FLI1: variants seen among roughly 807,000 people sequenced by gnomAD.
FLI1 encodes the protein Fli-1 proto-oncogene, ETS transcription factor, also known as Friend leukemia integration 1 transcription factor.
FLI1 carries 13 observed loss-of-function variants against 53.1 expected under a neutral mutation model. That is an observed-to-expected ratio of 0.24 (90% CI 0.16 to 0.39). FLI1 has a LOEUF of 0.39. FLI1 is among the 10% of genes least tolerant of loss of function. The pLI is 1.00. For missense variants in FLI1, 424 were observed against 600.5 expected (o/e 0.71, Z 3.07); for synonymous variants, 244 against 236.7 (o/e 1.03, Z -0.28).
chr11:128,787,847 C>T (rs996841161), intron 5 of FLI1, among the ~76,000 whole-genome samples: 10 of 145,264 alleles, frequency 6.9e-5, no homozygotes, highest in Non-Finnish European at 1.2e-4. Context: ...CGCTCTGTCG[C>T]TCAGGCTGGA....
upstream of FLI1, chr11:128,686,293 A>G: frequency 4.4e-6 from 2 of 455,358 alleles, no homozygotes; most frequent in Non-Finnish European, 8.8e-6. Context: ...TTCCAGAACA[A>G]GCTGCGGGCA....
chr11:128,740,036 T>C (rs572679055), intron 1 of FLI1, among the ~76,000 whole-genome samples: 1 of 152,276 alleles, frequency 6.6e-6, no homozygotes, highest in South Asian at 2.1e-4. Flanking sequence ...TGCCCTAATA[T>C]TGGTAGGGAA....
At chr11:128,759,317 C>T (rs1210113468) in intron 2 of FLI1, among the ~76,000 whole-genome samples, 4 of 152,266 alleles carry the variant, frequency 2.6e-5, no homozygotes, top group South Asian at 2.1e-4. Context: ...CTTTGAGCAC[C>T]GATGTGACAT....
At chr11:128,765,159 AG>A (rs1941287606) in intron 2 of FLI1, among the ~76,000 whole-genome samples, 1 of 152,032 alleles carries the variant, frequency 6.6e-6, no homozygotes, top group African/African-American at 2.4e-5. Flanking sequence ...CCAGCAAGAG[AG>A]CCCCCTCCTC....
At chr11:128,741,264 G>C (rs919667643) in intron 1 of FLI1, among the ~76,000 whole-genome samples, 1 of 152,078 alleles carries the variant, frequency 6.6e-6, no homozygotes, top group Non-Finnish European at 1.5e-5. Context: ...GTGGTCATGG[G>C]CGCCTGTAAT....
rs1282632145 is a variant in FLI1 at position 128,811,266 on chromosome 11, C to T, written c.*278C>T. On this transcript the variant is annotated 3_prime_UTR_variant, in exon 9 of 9. Transcript: ENST00000527786. ...TCTTGTGAGTTGCATATTAAGATTA[C>T]TGGAATGGTTAAGTCATGGTTCTGA... 2.0e-6 allele frequency: 1 copy of T among 491,850 alleles called. No individual in the cohort carries two copies. Among genetic ancestry groups the T allele is most frequent in the African/African-American group, 1.9e-5 (1 of 51,716 alleles). The allele number at this position is 491,850 out of a possible 1,614,324, so 30.5% of individuals were successfully genotyped here.
At chr11:128,686,573 C>G (rs998661451) in exon 1 of FLI1, 1 of 430,782 alleles carries the variant, frequency 2.3e-6, no homozygotes, top group African/African-American at 2.0e-5. Context: ...ATCACCATCC[C>G]ACCGTCTCTC....
At chr11:128,808,879 C>T (rs1464077626) in intron 7 of FLI1, among the ~76,000 whole-genome samples, 5 of 152,096 alleles carry the variant, frequency 3.3e-5, no homozygotes, top group Admixed American at 3.3e-4. Context: ...CTTTGTTTTG[C>T]TTTGGGTAAT....
intron 5 of FLI1, 70 bp from the exon 6 acceptor site, chr11:128,805,296 G>A: frequency 2.2e-6 from 2 of 893,566 alleles, no homozygotes; most frequent in Non-Finnish European, 3.6e-6. Flanking sequence ...GATCACTACA[G>A]ATAATGCTCA....
intron 5 of FLI1, among the ~76,000 whole-genome samples, chr11:128,786,400 C>G (rs574509715): frequency 6.6e-6 from 1 of 152,184 alleles, no homozygotes; most frequent in African/African-American, 2.4e-5. Context: ...TTTATTGATG[C>G]ATGATGTTAC....
In FLI1 at chr11:128,811,108, T is replaced by C. The variant is rs1455332731; in HGVS notation, c.*120T>C. Reference sequence around the variant, plus strand: ...GACAAAACTGGATGTTCTTTCTTGTTGGATAGAACCTTTGTATTTGTTCTT... The same window carrying C: ...GACAAAACTGGATGTTCTTTCTTGTCGGATAGAACCTTTGTATTTGTTCTT... On this transcript the variant is annotated 3_prime_UTR_variant, in exon 9 of 9. Coordinates refer to ENST00000527786, the MANE Select transcript of FLI1 (RefSeq NM_002017.5). The C allele has an allele frequency of 3.1e-6, 3 of 956,284 alleles. No homozygotes were observed. The highest frequency in any genetic ancestry group is 4.9e-6 in the Non-Finnish European group (3 of 616,086). 59.2% of individuals were successfully genotyped at this position (956,284 alleles called of 1,614,324 possible). A position where few individuals can be genotyped will look rare whatever the true frequency, so the allele number is the denominator to read the frequency against.
At chr11:128,803,781 A>G (rs1942700014) in intron 5 of FLI1, 1 of 152,196 alleles carries the variant, frequency 6.6e-6, no homozygotes, top group African/African-American at 2.4e-5. Flanking sequence ...CGCTGCCAAC[A>G]TTGCACTTCC....
In FLI1 at chr11:128,772,926, G is replaced by C. The variant is rs370316451; in HGVS notation, c.530G>C (p.Arg177Pro). 4.3e-6 allele frequency: 7 copies of C among 1,614,020 alleles called. No individual in the cohort carries two copies. The Admixed American group carries it at 1.2e-4, about 27-fold the overall frequency. ...LCKMNKEDFL[R>P]ATTLYNTEVL... The stretch of plus-strand genomic sequence containing the variant: ...AAAATGAACAAGGAGGACTTCCTCC[G>C]CGCCACCACCCTCTACAACACGGAA... The change falls in exon 4 of 9, where the codon CGC becomes CCC. Residue 177 changes from arginine (R) to proline (P), a missense_variant. This residue lies in a region of FLI1 where 114 missense variants were observed against 117.9 expected (regional missense o/e 0.97). Coordinates refer to ENST00000527786, the MANE Select transcript of FLI1 (RefSeq NM_002017.5).
At chr11:128,718,141 T>A (rs1400898249) in intron 1 of FLI1, among the ~76,000 whole-genome samples, 1 of 152,228 alleles carries the variant, frequency 6.6e-6, no homozygotes, top group Non-Finnish European at 1.5e-5. Flanking sequence ...CTGGAATATG[T>A]CAAGATACAG....
intron 5 of FLI1, among the ~76,000 whole-genome samples, chr11:128,801,214 C>G (rs1591385854): frequency 1.3e-5 from 2 of 152,218 alleles, no homozygotes; most frequent in East Asian, 3.8e-4. Context: ...TGCCTGAGCC[C>G]CACTCCATGC....
intron 1 of FLI1, among the ~76,000 whole-genome samples, chr11:128,705,764 T>C (rs1342013648): frequency 6.6e-6 from 1 of 152,214 alleles, no homozygotes; most frequent in African/African-American, 2.4e-5. Flanking sequence ...AGCTTCCTGA[T>C]ATATTTCCTT....
intron 1 of FLI1, 105 bp downstream of exon 1, chr11:128,694,381 C>T (rs1219470985): frequency 1.1e-6 from 1 of 920,402 alleles, no homozygotes; most frequent in African/African-American, 1.7e-5. Context: ...GGCCTCTCTC[C>T]CTTCCCTCCG....
intron 3 of FLI1, among the ~76,000 whole-genome samples, chr11:128,769,375 T>G (rs779109203): frequency 6.6e-6 from 1 of 152,222 alleles, no homozygotes; most frequent in Non-Finnish European, 1.5e-5. Flanking sequence ...CAAAACTCCT[T>G]CCATTTGTAA....
chr11:128,758,409 T>C, intron 2 of FLI1, 83 bp downstream of exon 2: 1 of 1,178,466 alleles, frequency 8.5e-7, no homozygotes, highest in East Asian at 2.5e-5. Context: ...CACTTAAGGT[T>C]TTTGCAGCAG....
Sources: allele counts gnomAD v4.1 joint callset (sites outside exome capture counted in the v4.1 genomes callset), GRCh38; gene constraint gnomAD v4.1.1; regional missense constraint gnomAD v4.1.1; transcripts MANE v1.5; gene names NCBI Gene and HGNC (gene_info 2026-07-23, HGNC 2026-07-21).